Variants in PDGFD observed in about 807,000 individuals in gnomAD.
The protein encoded by PDGFD is platelet-derived growth factor D.
Under a neutral mutation model 44.7 loss-of-function variants are expected in PDGFD, and 30 were observed. That is an observed-to-expected ratio of 0.67 (90% CI 0.50 to 0.91). The LOEUF is 0.91. Ranked by LOEUF, PDGFD falls within the 40% of genes least tolerant of loss-of-function variation. PDGFD has a pLI of 0.00. For synonymous variants in PDGFD, 173 were observed against 168.4 expected (o/e 1.03, Z -0.21); for missense variants, 445 against 457.8 (o/e 0.97, Z 0.25).
intron 1 of PDGFD, among the ~76,000 whole-genome samples, chr11:104,085,410 C>T (rs563728028): frequency 6.6e-6 from 1 of 152,246 alleles, no homozygotes; most frequent in East Asian, 1.9e-4. Flanking sequence ...TCTTGAATTG[C>T]TGAGCAGAAT....
chr11:104,049,547 G>GT (rs1165775483), intron 1 of PDGFD, among the ~76,000 whole-genome samples: 14 of 151,580 alleles, frequency 9.2e-5, no homozygotes, highest in African/African-American at 3.4e-4. Context: ...GCTTTTTTTT[G>GT]TTTTGTTTTG....
chr11:103,976,787 G>A (rs947441082), intron 3 of PDGFD, among the ~76,000 whole-genome samples: 11 of 151,898 alleles, frequency 7.2e-5, no homozygotes, highest in African/African-American at 1.9e-4. Flanking sequence ...AGGCCTTTTC[G>A]GCATCTATTG....
At chr11:104,065,498 AAAG>A (rs765931499) in intron 1 of PDGFD, among the ~76,000 whole-genome samples, 29 of 152,198 alleles carry the variant, frequency 1.9e-4, no homozygotes, top group Non-Finnish European at 3.5e-4. Context: ...TACTTCATAT[AAAG>A]AATTGACCTA....
intron 1 of PDGFD, among the ~76,000 whole-genome samples, chr11:104,056,351 C>A (rs1860616238): frequency 6.6e-6 from 1 of 152,092 alleles, no homozygotes; most frequent in African/African-American, 2.4e-5. Flanking sequence ...CAAGTCTTAA[C>A]CCCGATAACT....
At chr11:103,973,138 C>CTTTTTTTTTTTTT (rs555810765) in intron 3 of PDGFD, among the ~76,000 whole-genome samples, 2 of 134,416 alleles carry the variant, frequency 1.5e-5, no homozygotes. Context: ...AAAGTGGTCA[C>CTTTTTTTTTTTTT]TTTTTTTTTT....
In PDGFD at chr11:104,140,050, G is replaced by C. The variant is rs1007421080; in HGVS notation, c.124+23754C>G. ...AGTCCGCAGTCTGGCCTGGGCGACA[G>C]AGCGAGACTCCGTCTCAAAAAAAAA... is the stretch of plus-strand genomic sequence containing the variant. On this transcript the variant is annotated intron_variant, in intron 1 of 6. Transcript: ENST00000393158. 1.0e-4 allele frequency among the ~76,000 whole-genome samples: 2 copies of C among 19,974 alleles called. 1 individual carries two copies. Among genetic ancestry groups the C allele is most frequent in the Non-Finnish European group, 1.7e-4 (2 of 11,542 alleles). The allele number at this position is 19,974 out of a possible 152,430, so 13.1% of individuals were successfully genotyped here. A position where few individuals can be genotyped will look rare whatever the true frequency, so the allele number is the denominator to read the frequency against.
intron 1 of PDGFD, among the ~76,000 whole-genome samples, chr11:104,068,219 G>A (rs1274962081): frequency 6.6e-6 from 1 of 152,116 alleles, no homozygotes; most frequent in Non-Finnish European, 1.5e-5. Flanking sequence ...CCATTACAGA[G>A]TTTAAGTACA....
intron 1 of PDGFD, among the ~76,000 whole-genome samples, chr11:104,087,333 C>T (rs543709294): frequency 1.3e-4 from 19 of 151,994 alleles, no homozygotes; most frequent in African/African-American, 3.6e-4. Context: ...CTCAGCCTTC[C>T]GAGTAGCTGG....
intron 1 of PDGFD, among the ~76,000 whole-genome samples, chr11:104,045,515 G>A (rs536002503): frequency 2.0e-4 from 31 of 151,978 alleles, no homozygotes; most frequent in Admixed American, 1.0e-3. Flanking sequence ...ATCAGAAAAT[G>A]AGAGCATGGG....
intron 1 of PDGFD, among the ~76,000 whole-genome samples, chr11:104,025,626 G>A (rs2134385458): frequency 6.6e-6 from 1 of 152,252 alleles, no homozygotes; most frequent in East Asian, 1.9e-4. Context: ...GGGTATGAAA[G>A]CCTCAGCATT....
chr11:104,115,629 G>C lies in PDGFD; in HGVS notation c.124+48175C>G, dbSNP rs897014809. ...AACCTCCACACTGTTTTCCACAGTGGTTGTAGTGGTTTACATTCCCACTAG... is the reference window on the plus strand; with the variant it reads ...AACCTCCACACTGTTTTCCACAGTGCTTGTAGTGGTTTACATTCCCACTAG... On this transcript the variant is annotated intron_variant, in intron 1 of 6. Coordinates refer to ENST00000393158, the MANE Select transcript of PDGFD (RefSeq NM_025208.5). 1.6e-4 allele frequency among the ~76,000 whole-genome samples: 25 copies of C among 152,076 alleles called. No individual in the cohort carries two copies. In the East Asian group the frequency reaches 4.5e-3, roughly 27 times the overall value.
chr11:104,143,409 C>G (rs1862115117), intron 1 of PDGFD, among the ~76,000 whole-genome samples: 1 of 152,192 alleles, frequency 6.6e-6, no homozygotes, highest in Non-Finnish European at 1.5e-5. Context: ...CAGAGTAAAG[C>G]AGAAACTCTT....
intron 1 of PDGFD, among the ~76,000 whole-genome samples, chr11:104,107,805 G>A (rs1466813884): frequency 6.6e-6 from 1 of 152,010 alleles, no homozygotes; most frequent in Non-Finnish European, 1.5e-5. Flanking sequence ...TATTTGTGAG[G>A]GTTCAGTGAC....
rs1455830817 is a variant in PDGFD, at chr11:104,163,841, G to A, written c.87C>T (p.Ser29=). 1.6e-5 allele frequency: 25 copies of A among 1,572,228 alleles called. No homozygotes were observed. Among genetic ancestry groups the A allele is most frequent in the Non-Finnish European group, 2.1e-5 (24 of 1,149,802 alleles). ...GGTTGGCGTTGCGCAAAGCTTTGAT[G>A]GATGCGCTCTGCGGGGTTGCAGAAG... ...RDTSATPQSA[S]IKALRNANLR... Residue 29 remains serine, a synonymous_variant, in exon 1 of 7, where the codon TCC becomes TCT. Transcript: ENST00000393158.
intron 1 of PDGFD, among the ~76,000 whole-genome samples, chr11:104,011,322 A>G (rs186070098): frequency 1.3e-5 from 2 of 152,234 alleles, no homozygotes; most frequent in Non-Finnish European, 2.9e-5. Flanking sequence ...ATATAAACTT[A>G]TGACTATATT....
intron 3 of PDGFD, among the ~76,000 whole-genome samples, chr11:103,983,474 C>T (rs1459296722): frequency 6.7e-6 from 1 of 149,710 alleles, no homozygotes; most frequent in Non-Finnish European, 1.5e-5. Flanking sequence ...ATCCTGAAGA[C>T]AACTTAGGCA....
intron 1 of PDGFD, among the ~76,000 whole-genome samples, chr11:104,045,103 G>A (rs1860419153): frequency 6.6e-6 from 1 of 152,070 alleles, no homozygotes; most frequent in Non-Finnish European, 1.5e-5. Context: ...CATTCCTGGG[G>A]CAAACCAGAA....
chr11:104,023,044 C>A (rs1229368729), intron 1 of PDGFD, among the ~76,000 whole-genome samples: 2 of 152,104 alleles, frequency 1.3e-5, no homozygotes, highest in African/African-American at 4.8e-5. Flanking sequence ...TAGCCAAACT[C>A]TGTGGTAGCT....
intron 1 of PDGFD, among the ~76,000 whole-genome samples, chr11:104,111,542 G>A (rs187688298): frequency 6.6e-6 from 1 of 152,092 alleles, no homozygotes; most frequent in East Asian, 1.9e-4. Context: ...ACAGGTGTGA[G>A]CCACCATGCC....
Sources: allele counts gnomAD v4.1 joint callset (sites outside exome capture counted in the v4.1 genomes callset), GRCh38; gene constraint gnomAD v4.1.1; transcripts MANE v1.5; gene names NCBI Gene and HGNC (gene_info 2026-07-23, HGNC 2026-07-21).